Variants in SLC20A1 observed in about 807,000 individuals in gnomAD.
The protein encoded by SLC20A1 is sodium-dependent phosphate transporter 1.
Under a neutral mutation model 62.7 loss-of-function variants are expected in SLC20A1, and 28 were observed. The ratio of observed to expected loss-of-function variants is 0.45; its 90% CI spans 0.33 to 0.61. The LOEUF (loss-of-function observed/expected upper bound fraction) is 0.61. SLC20A1 is among the 20% of genes least tolerant of loss of function. The pLI is 0.02. For synonymous variants in SLC20A1, 305 were observed against 302.9 expected, an observed-to-expected ratio of 1.01 and a Z score of -0.07; for missense variants, 673 against 838.6, an observed-to-expected ratio of 0.80 and a Z score of 2.44.
Position 112,657,128 on chromosome 2 carries a change from G to T in SLC20A1, c.665G>T (p.Gly222Val), listed in dbSNP as rs1204114682. 1 of 1,613,892 alleles carries T rather than the reference G, an allele frequency of 6.2e-7. No homozygotes were observed. Among genetic ancestry groups the T allele is most frequent in the Non-Finnish European group, 8.5e-7 (1 of 1,179,990 alleles). The change falls in exon 6 of 11, where the codon GGC (glycine) becomes GTC (valine). Residue 222 changes from glycine to valine, a missense_variant. Gly to Val is a moderately radical substitution (Grantham distance 109). Transcript: ENST00000272542. ...GCACCATTTTATCTCCTAGTGCTGG[G>T]CTTTGACAAACTTCCTCTGTGGGGT... ...SIMYTGAPLL[G>V]FDKLPLWGTI...
Position 112,647,083 on chromosome 2 carries a change from C to T in SLC20A1, c.255C>T (p.Ile85=). ...VLLGAKVSET[I]RKGLIDVEMY... Reference sequence around the variant, plus strand: ...TGGGGGCCAAAGTGAGCGAAACCATCCGGAAGGGCTTGATTGACGTGGAGA... The same window carrying T: ...TGGGGGCCAAAGTGAGCGAAACCATTCGGAAGGGCTTGATTGACGTGGAGA... The change falls in exon 2 of 11, where the codon ATC becomes ATT. Residue 85 remains isoleucine, a synonymous_variant. Transcript: ENST00000272542. 1.2e-6 allele frequency: 2 copies of T among 1,614,166 alleles called. No homozygotes were observed.
intron 4 of SLC20A1, among the ~76,000 whole-genome samples, chr2:112,650,588 C>A (rs998577002): frequency 6.6e-6 from 1 of 151,980 alleles, no homozygotes; most frequent in African/African-American, 2.4e-5. Flanking sequence ...GTCTTGGCCT[C>A]CCAAAGTGCT....
Position 112,658,162 on chromosome 2 carries a change from G to C in SLC20A1, c.779-663G>C, listed in dbSNP as rs28661340. On this transcript the variant is annotated intron_variant, in intron 6 of 10. Coordinates refer to ENST00000272542, the MANE Select transcript of SLC20A1 (RefSeq NM_005415.5). Reference sequence around the variant, plus strand: ...ATTTTCCCTCTCTGGGAGGAGTTGAGACAAGTCTTGCTTTATGTTAGTCAG... The same window carrying C: ...ATTTTCCCTCTCTGGGAGGAGTTGACACAAGTCTTGCTTTATGTTAGTCAG... 1.2e-3 allele frequency among the ~76,000 whole-genome samples: 181 copies of C among 152,334 alleles called. 1 individual carries two copies. Among genetic ancestry groups the C allele is most frequent in the Middle Eastern group, 6.8e-3 (2 of 294 alleles).
Position 112,663,049 on chromosome 2 carries a change from G to T in SLC20A1, c.*24G>T. ...GAAGCTGTTTGAGATTAAAATTTGT[G>T]TCAATGTTTGGGACCATCTTAGGTA... On this transcript the variant is annotated 3_prime_UTR_variant, in exon 11 of 11. Coordinates refer to ENST00000272542, the MANE Select transcript of SLC20A1 (RefSeq NM_005415.5). 3 of 1,613,250 alleles carry T rather than the reference G, an allele frequency of 1.9e-6. No homozygotes were observed. The highest frequency in any genetic ancestry group is 2.5e-6 in the Non-Finnish European group (3 of 1,179,356).
intron 4 of SLC20A1, among the ~76,000 whole-genome samples, chr2:112,649,855 G>C (rs1042763752): frequency 3.3e-5 from 5 of 152,166 alleles, no homozygotes; most frequent in Non-Finnish European, 7.3e-5. Context: ...AACTATTCTG[G>C]TGAAGATGGG....
At position 112,662,998 on chromosome 2, in the gene SLC20A1, C is replaced by T; in HGVS notation, c.2013C>T (p.Ile671=). ...SGVISAAIMA[I]FRYVILRM is the part of the protein sequence containing the mutation. ...TTATCAGTGCTGCCATCATGGCAAT[C>T]TTCAGATATGTCATCCTCAGAATGT... is the stretch of plus-strand genomic sequence containing the variant. Residue 671 remains isoleucine, a synonymous_variant, in exon 11 of 11, where the codon ATC becomes ATT. Coordinates refer to ENST00000272542, the MANE Select transcript of SLC20A1 (RefSeq NM_005415.5). The T allele has an allele frequency of 6.2e-7, 1 of 1,614,158 alleles. No individual in the cohort carries two copies. Among genetic ancestry groups the T allele is most frequent in the Non-Finnish European group, 8.5e-7 (1 of 1,180,018 alleles).
At chr2:112,647,559 A>G in intron 3 of SLC20A1, 94 bp from the exon 4 acceptor site, 4 of 1,577,224 alleles carry the variant, frequency 2.5e-6, no homozygotes, top group Non-Finnish European at 3.5e-6. Context: ...GTCGAGGGAC[A>G]GACCCAAGAA....
At chr2:112,657,332 T>A in intron 6 of SLC20A1, 91 bp downstream of exon 6, 1 of 1,323,132 alleles carries the variant, frequency 7.6e-7, no homozygotes, top group East Asian at 2.4e-5. Flanking sequence ...TAGAAGAGAT[T>A]GGCAAAATAA....
chr2:112,650,800 T>C (rs1234783158), intron 4 of SLC20A1, among the ~76,000 whole-genome samples: 1 of 152,052 alleles, frequency 6.6e-6, no homozygotes, highest in African/African-American at 2.4e-5. Context: ...ACTTTTTATA[T>C]TTTATAGAGG....
At chr2:112,647,294 T>C in intron 2 of SLC20A1, 30 bp from the exon 3 acceptor site, 1 of 1,605,982 alleles carries the variant, frequency 6.2e-7, no homozygotes, top group Non-Finnish European at 8.5e-7. Context: ...AATTTTGATA[T>C]TTACTTAATA....
At chr2:112,657,050 G>A (rs1686609548) in intron 5 of SLC20A1, 72 bp from the exon 6 acceptor site, 1 of 1,588,616 alleles carries the variant, frequency 6.3e-7, no homozygotes, top group Non-Finnish European at 8.6e-7. Context: ...TCAGTCCCCA[G>A]AGGAGGGTTT....
At chr2:112,650,334 C>CT (rs398042584) in intron 4 of SLC20A1, among the ~76,000 whole-genome samples, 15,227 of 134,834 alleles carry the variant, frequency 0.11, 1,000 homozygotes, top group Non-Finnish European at 0.15. Context: ...TTTTTGGAGC[C>CT]TTTTTTTTTT....
In SLC20A1 at chr2:112,659,602, A is replaced by C. The variant is rs770747583; in HGVS notation, c.1447A>C (p.Ser483Arg). Residue 483 changes from serine to arginine, a missense_variant, in exon 8 of 11, where the codon AGT becomes CGT. By Grantham distance (110) the Ser-to-Arg change is moderately radical. Coordinates refer to ENST00000272542, the MANE Select transcript of SLC20A1 (RefSeq NM_005415.5). ...DLHSASEIDM[S>R]VKAEMGLGDR... ...TCACTCAGCATCTGAGATAGACATG[A>C]GTGTCAAGGCAGAGATGGGTCTAGG... The C allele has an allele frequency of 1.2e-6, 2 of 1,614,220 alleles. No individual in the cohort carries two copies. Among genetic ancestry groups the C allele is most frequent in the South Asian group, 2.2e-5 (2 of 91,080 alleles).
rs2271713 is a variant in SLC20A1 at position 112,647,755 on chromosome 2, G to T, written c.561+17G>T. The T allele has an allele frequency of 6.3e-7, 1 of 1,586,278 alleles. No individual in the cohort carries two copies. The highest frequency in any genetic ancestry group is 8.7e-7 in the Non-Finnish European group (1 of 1,154,862). On this transcript the variant is annotated intron_variant, in intron 4 of 10. Transcript: ENST00000272542. The stretch of plus-strand genomic sequence containing the variant: ...CTCCATAAGGTAACCTTTCTCCCCC[G>T]TATGAAGACCTTTCATGGAGCACAC...
At position 112,659,690 on chromosome 2, in the gene SLC20A1, C is replaced by G. The variant is rs1305849584; in HGVS notation, c.1535C>G (p.Ser512Cys). 4 of 1,614,082 alleles carry G rather than the reference C, an allele frequency of 2.5e-6. No individual in the cohort carries two copies. In the African/African-American group the frequency reaches 5.3e-5, roughly 22 times the overall value. ...TATGACCAGGATAAGCCTGAAGTCT[C>G]TCTCCTCTTCCAGTTCCTGCAGATC... Reference protein sequence around the residue: ...EWYDQDKPEVSLLFQFLQILT... With the variant: ...EWYDQDKPEVCLLFQFLQILT... The change falls in exon 8 of 11, where the codon TCT (serine) becomes TGT (cysteine). Residue 512 changes from serine to cysteine, a missense_variant. By Grantham distance (112) the Ser-to-Cys change is moderately radical. Transcript: ENST00000272542.
At position 112,659,100 on chromosome 2, in the gene SLC20A1, T is replaced by C; in HGVS notation, c.1048+6T>C. Reference sequence around the variant, plus strand: ...CATAGATAGCACCGTGAATGGTGAGTTGGAATTCCTGGTTTCACTTTTGTT... The same window carrying C: ...CATAGATAGCACCGTGAATGGTGAGCTGGAATTCCTGGTTTCACTTTTGTT... On this transcript the variant is annotated splice_donor_region_variant and intron_variant, in intron 7 of 10. Transcript: ENST00000272542. 6.2e-7 allele frequency: 1 copy of C among 1,610,492 alleles called. No individual in the cohort carries two copies. The highest frequency in any genetic ancestry group is 8.5e-7 in the Non-Finnish European group (1 of 1,177,780).
rs367664642 is a variant in SLC20A1, at chr2:112,657,140, T to C, written c.677T>C (p.Leu226Pro). ...CTCCTAGTGCTGGGCTTTGACAAAC[T>C]TCCTCTGTGGGGTACCATCCTCATC... ...TGAPLLGFDK[L>P]PLWGTILISV... Residue 226 changes from leucine to proline, a missense_variant, in exon 6 of 11, where the codon CTT (leucine) becomes CCT (proline). Physicochemically the swap from Leu to Pro is moderately conservative, Grantham distance 98 (BLOSUM62 -3). Transcript: ENST00000272542. The C allele has an allele frequency of 5.0e-6, 8 of 1,613,736 alleles. No individual in the cohort carries two copies. Among genetic ancestry groups the C allele is most frequent in the African/African-American group, 2.7e-5 (2 of 74,806 alleles).
intron 3 of SLC20A1, 44 bp downstream of exon 3, chr2:112,647,508 T>C: frequency 1.2e-6 from 2 of 1,603,648 alleles, no homozygotes; most frequent in Non-Finnish European, 1.7e-6. Flanking sequence ...GTTTTCGTCA[T>C]ATGTTACCAT....
rs757160531 is a variant in SLC20A1 at position 112,663,070 on chromosome 2, AG to A, written c.*47del. 256 of 1,598,030 alleles carry A rather than the reference AG, an allele frequency of 1.6e-4. No homozygotes were observed. In the African/African-American group the frequency reaches 3.0e-3, roughly 19 times the overall value. ...TTGTGTCAATGTTTGGGACCATCTT[AG>A]GTATTCCTGCTCCCCTGAAGAATGA... On this transcript the variant is annotated 3_prime_UTR_variant, in exon 11 of 11. Coordinates refer to ENST00000272542, the MANE Select transcript of SLC20A1 (RefSeq NM_005415.5).
Sources: gnomAD v4.1 joint callset for allele counts (sites outside exome capture counted in the v4.1 genomes callset) on GRCh38, gnomAD v4.1.1 for gene constraint, MANE v1.5 for transcripts, NCBI Gene and HGNC (gene_info 2026-07-23, HGNC 2026-07-21) for gene names.